The following NEK10 variants were observed in gnomAD, a reference collection of about 807,000 sequenced individuals.
The protein encoded by NEK10 is NIMA related kinase 10, also known as serine/threonine-protein kinase Nek10.
Under a neutral mutation model 159.8 loss-of-function variants are expected in NEK10, and 122 were observed. The observed-to-expected ratio is 0.76, with a 90% CI of 0.66 to 0.89. The LOEUF (loss-of-function observed/expected upper bound fraction) is 0.89. Among genes scored for constraint, NEK10 ranks in the 40% least tolerant of loss-of-function variants. The pLI is 0.00. For missense variants in NEK10, 1,342 were observed against 1,323.1 expected, an observed-to-expected ratio of 1.01 and a Z score of -0.22; for synonymous variants, 466 against 457.1, an observed-to-expected ratio of 1.02 and a Z score of -0.25.
intron 13 of NEK10, among the ~76,000 whole-genome samples, chr3:27,299,891 C>T (rs1363357913): frequency 6.6e-6 from 1 of 152,168 alleles, no homozygotes; most frequent in Non-Finnish European, 1.5e-5. Flanking sequence ...GTCTGTACCC[C>T]ATTGTATCTA....
chr3:27,258,684 T>C (rs1186707453), intron 22 of NEK10, among the ~76,000 whole-genome samples: 2 of 152,200 alleles, frequency 1.3e-5, no homozygotes, highest in Non-Finnish European at 2.9e-5. Flanking sequence ...AACTTACGTG[T>C]TCATGTGTCT....
intron 30 of NEK10, among the ~76,000 whole-genome samples, chr3:27,149,317 C>T (rs1422572756): frequency 6.6e-6 from 1 of 151,958 alleles, no homozygotes; most frequent in Non-Finnish European, 1.5e-5. Flanking sequence ...ACAAGTATAC[C>T]TCATTTCATT....
chr3:27,244,462 T>C (rs1011900149), intron 23 of NEK10, among the ~76,000 whole-genome samples: 1 of 152,180 alleles, frequency 6.6e-6, no homozygotes, highest in African/African-American at 2.4e-5. Context: ...CCTTTAAATA[T>C]TTCTCCTTTA....
At chr3:27,345,290 G>A (rs1032963261) in intron 4 of NEK10, among the ~76,000 whole-genome samples, 5 of 152,056 alleles carry the variant, frequency 3.3e-5, no homozygotes, top group Non-Finnish European at 2.9e-5. Context: ...CTTAGTACAC[G>A]GGCACTGGTA....
Position 27,151,525 on chromosome 3 carries a change from T to G in NEK10, c.2870-9943A>C, listed in dbSNP as rs182553987. 5.9e-4 allele frequency among the ~76,000 whole-genome samples: 90 copies of G among 152,254 alleles called. 1 individual carries two copies. The highest frequency in any genetic ancestry group is 2.1e-3 in the African/African-American group (86 of 41,564). ...CAACAACAGCCTTTAGCCCTAGATATTCCCTCTGACAGAGCCTACCCAAAT... is the reference window on the plus strand; with the variant it reads ...CAACAACAGCCTTTAGCCCTAGATAGTCCCTCTGACAGAGCCTACCCAAAT... On this transcript the variant is annotated intron_variant, in intron 30 of 35. Transcript: ENST00000691995.
At chr3:27,311,566 G>A (rs1250124671) in intron 8 of NEK10, 1 of 160,318 alleles carries the variant, frequency 6.2e-6, no homozygotes, top group Non-Finnish European at 1.4e-5. Flanking sequence ...CACACGGCAG[G>A]ACGTCTGTGA....
At chr3:27,173,346 A>G (rs1337367357) in intron 28 of NEK10, among the ~76,000 whole-genome samples, 1 of 152,204 alleles carries the variant, frequency 6.6e-6, no homozygotes, top group African/African-American at 2.4e-5. Flanking sequence ...GGTATATAGA[A>G]CACTGAACTT....
chr3:27,322,306 G>A (rs1246597870), intron 5 of NEK10, 45 bp from the exon 6 acceptor site: 2 of 1,175,926 alleles, frequency 1.7e-6, no homozygotes, highest in African/African-American at 1.5e-5. Context: ...TAAAATCCCA[G>A]TGTGGCAATT....
chr3:27,184,615 G>T lies in NEK10; in HGVS notation c.2505+7414C>A, dbSNP rs78239124. ...GTGAGAATTGTGTCTGTATTTGTGA[G>T]GAAGCCTATAAGGCATTGCTTTATT... On this transcript the variant is annotated intron_variant, in intron 26 of 35. Transcript: ENST00000691995. Among the ~76,000 whole-genome samples the T allele has an allele frequency of 9.9e-3, 1,506 of 152,264 alleles. 21 individuals carry two copies. The highest frequency in any genetic ancestry group is 0.056 in the East Asian group (290 of 5,184).
At chr3:27,265,083 CT>C (rs2040778765) in intron 22 of NEK10, among the ~76,000 whole-genome samples, 1 of 152,082 alleles carries the variant, frequency 6.6e-6, no homozygotes, top group Non-Finnish European at 1.5e-5. Flanking sequence ...TGGGTATTTT[CT>C]TAACCTGATA....
chr3:27,219,526 A>T lies in NEK10; in HGVS notation c.2091-16969T>A, dbSNP rs533065695. On this transcript the variant is annotated intron_variant, in intron 23 of 35. Transcript: ENST00000691995. ...TTTCTATCTCTTTAGTGGATTGCCTATGTTGAAAATGACATCTGGTTTCAT... is the reference window on the plus strand; with the variant it reads ...TTTCTATCTCTTTAGTGGATTGCCTTTGTTGAAAATGACATCTGGTTTCAT... 7.2e-5 allele frequency among the ~76,000 whole-genome samples: 11 copies of T among 152,346 alleles called. No individual in the cohort carries two copies. The East Asian group carries it at 1.5e-3, about 21-fold the overall frequency.
chr3:27,258,357 C>T (rs1254942440), intron 22 of NEK10, among the ~76,000 whole-genome samples: 1 of 149,420 alleles, frequency 6.7e-6, no homozygotes, highest in African/African-American at 2.5e-5. Flanking sequence ...TCTCCAAATG[C>T]TATCCCTCCC....
chr3:27,269,821 C>T (rs1201419149), intron 22 of NEK10, among the ~76,000 whole-genome samples: 3 of 152,216 alleles, frequency 2.0e-5, no homozygotes, highest in African/African-American at 7.2e-5. Context: ...CATTTTAATA[C>T]ATGAAACTTG....
intron 26 of NEK10, among the ~76,000 whole-genome samples, chr3:27,185,839 T>G (rs1326089841): frequency 6.6e-6 from 1 of 151,802 alleles, no homozygotes; most frequent in African/African-American, 2.4e-5. Context: ...TTGGTAGAAG[T>G]AAGGAAAAAA....
chr3:27,301,395 A>G (rs1285565673), intron 13 of NEK10, among the ~76,000 whole-genome samples: 3 of 152,210 alleles, frequency 2.0e-5, no homozygotes, highest in Non-Finnish European at 4.4e-5. Context: ...CCACAGATCA[A>G]GCTGCATCCC....
chr3:27,234,467 C>A (rs1439414422), intron 23 of NEK10, among the ~76,000 whole-genome samples: 2 of 151,902 alleles, frequency 1.3e-5, no homozygotes, highest in African/African-American at 4.8e-5. Flanking sequence ...TATACACCAA[C>A]AACAATCAGG....
chr3:27,314,310 T>C lies in NEK10; in HGVS notation c.476A>G (p.Glu159Gly). The C allele has an allele frequency of 6.2e-7, 1 of 1,603,606 alleles. No homozygotes were observed. The highest frequency in any genetic ancestry group is 8.5e-7 in the Non-Finnish European group (1 of 1,173,914). Residue 159 changes from glutamate (E) to glycine (G), a missense_variant, in exon 7 of 36, where the codon GAA (glutamate) becomes GGA (glycine). Glu to Gly is a moderately conservative substitution (Grantham distance 98). Transcript: ENST00000691995. ...AAGGAATCTTACCTGAGCTAGGTTT[T>C]CAATCCCACCCAAGCTATGGAGTAT... ...QEILHSLGGI[E>G]NLAQYMEIVA...
Position 27,214,934 on chromosome 3 carries a change from C to G in NEK10, c.2091-12377G>C. 5 of 962,720 alleles carry G rather than the reference C, an allele frequency of 5.2e-6. No individual in the cohort carries two copies. In the South Asian group the frequency reaches 6.5e-5, roughly 12 times the overall value. The allele number at this position is 962,720 out of a possible 1,614,324, so 59.6% of individuals were successfully genotyped here. A position where few individuals can be genotyped will look rare whatever the true frequency, so the allele number is the denominator to read the frequency against. The stretch of plus-strand genomic sequence containing the variant: ...TCTTCTTTTAAAGAAGGTGAGAAGA[C>G]AATTCCTAATCCAAAACCAGTGCCT... On this transcript the variant is annotated intron_variant, in intron 23 of 35. Coordinates refer to ENST00000691995, the MANE Select transcript of NEK10 (RefSeq NM_001394966.1).
chr3:27,316,633 G>A (rs2045207391), intron 6 of NEK10, among the ~76,000 whole-genome samples: 1 of 152,058 alleles, frequency 6.6e-6, no homozygotes, highest in Non-Finnish European at 1.5e-5. Flanking sequence ...AAATGGTCAT[G>A]GTAATGTTAT....
Sources: allele counts gnomAD v4.1 joint callset (sites outside exome capture counted in the v4.1 genomes callset), GRCh38; gene constraint gnomAD v4.1.1; transcripts MANE v1.5; gene names NCBI Gene and HGNC (gene_info 2026-07-23, HGNC 2026-07-21).